Variants in LRFN5 observed in about 807,000 individuals in gnomAD.
LRFN5 encodes the protein leucine rich repeat and fibronectin type III domain containing 5.
A neutral mutation model predicts 45.6 loss-of-function variants in LRFN5; 24 were observed. The observed-to-expected ratio is 0.53, with a 90% confidence interval of 0.38 to 0.74. The LOEUF is 0.74. LRFN5 is among the 30% of genes least tolerant of loss of function. LRFN5 has a pLI of 0.00. For missense variants in LRFN5, 776 were observed against 861.5 expected, an observed-to-expected ratio of 0.90 and a Z score of 1.24; for synonymous variants, 340 against 313.8, an observed-to-expected ratio of 1.08 and a Z score of -0.88.
intron 2 of LRFN5, among the ~76,000 whole-genome samples, chr14:41,773,402 GT>G (rs1385232241): frequency 6.6e-6 from 1 of 152,120 alleles, no homozygotes; most frequent in East Asian, 1.9e-4. Flanking sequence ...ATATTTTTAT[GT>G]TTTTTTCTTT....
intron 2 of LRFN5, among the ~76,000 whole-genome samples, chr14:41,826,452 T>C (rs1270235339): frequency 6.6e-6 from 1 of 152,190 alleles, no homozygotes; most frequent in Non-Finnish European, 1.5e-5. Context: ...TCTGTCTTCA[T>C]TCTTATCAAA....
intron 2 of LRFN5, among the ~76,000 whole-genome samples, chr14:41,867,369 G>A (rs1193244739): frequency 6.6e-6 from 1 of 151,242 alleles, no homozygotes; most frequent in African/African-American, 2.4e-5. Context: ...TGTGTGTGGA[G>A]GGTTATGTGT....
At chr14:41,781,576 GAAAGAAAGAAAGAAAGA>G (rs1417739075) in intron 2 of LRFN5, among the ~76,000 whole-genome samples, 8 of 91,014 alleles carry the variant, frequency 8.8e-5, no homozygotes, top group African/African-American at 4.7e-4. Flanking sequence ...AAGAAAGAAA[GAAAGAAAGAAAGAAAGA>G]AAGAAAGAAA....
intron 1 of LRFN5, among the ~76,000 whole-genome samples, chr14:41,748,963 G>A (rs541985776): frequency 6.6e-6 from 1 of 151,778 alleles, no homozygotes; most frequent in African/African-American, 2.4e-5. Flanking sequence ...CTATAGCATG[G>A]CACCAGCATC....
At chr14:41,662,119 C>G (rs964621181) in intron 1 of LRFN5, among the ~76,000 whole-genome samples, 1 of 151,962 alleles carries the variant, frequency 6.6e-6, no homozygotes, top group Non-Finnish European at 1.5e-5. Flanking sequence ...ACAGGGCCAG[C>G]TTTATTCAGG....
chr14:41,755,282 C>T (rs537882931), intron 1 of LRFN5, among the ~76,000 whole-genome samples: 8 of 152,162 alleles, frequency 5.3e-5, no homozygotes, highest in South Asian at 4.2e-4. Context: ...CTATTAGGTC[C>T]GCTTGGTGCA....
At chr14:41,716,609 C>T (rs147435552) in intron 1 of LRFN5, among the ~76,000 whole-genome samples, 1 of 152,286 alleles carries the variant, frequency 6.6e-6, no homozygotes, top group East Asian at 1.9e-4. Context: ...TCTGAGACCA[C>T]CTCAGCCTGG....
chr14:41,884,499 C>T (rs1313564617), intron 2 of LRFN5, among the ~76,000 whole-genome samples: 1 of 152,030 alleles, frequency 6.6e-6, no homozygotes, highest in Admixed American at 6.6e-5. Flanking sequence ...GAAGAAGAGA[C>T]CCAGAGCCAG....
At chr14:41,679,342 A>G (rs1311647204) in intron 1 of LRFN5, among the ~76,000 whole-genome samples, 1 of 152,022 alleles carries the variant, frequency 6.6e-6, no homozygotes, top group Non-Finnish European at 1.5e-5. Context: ...GCTCTGTGAG[A>G]GACTCCTTCA....
chr14:41,631,462 C>A (rs1362767968), intron 1 of LRFN5, among the ~76,000 whole-genome samples: 1 of 151,858 alleles, frequency 6.6e-6, no homozygotes, highest in African/African-American at 2.4e-5. Context: ...AGACAAAAAT[C>A]CCTATTATCC....
At position 41,838,363 on chromosome 14, in the gene LRFN5, G is replaced by A. The variant is rs374759124; in HGVS notation, c.-20-48243G>A. Among the ~76,000 whole-genome samples, 9 of 152,238 alleles carry A rather than the reference G, an allele frequency of 5.9e-5. No individual in the cohort carries two copies. In the South Asian group the frequency reaches 1.0e-3, roughly 18 times the overall value. On this transcript the variant is annotated intron_variant, in intron 2 of 5. Transcript: ENST00000298119. Reference sequence around the variant, plus strand: ...GGAGATGCTAATGAAGTAGGACTCCGTGGACTTGGATAAGAGCTGCAATCC... The same window carrying A: ...GGAGATGCTAATGAAGTAGGACTCCATGGACTTGGATAAGAGCTGCAATCC...
chr14:41,719,355 T>C (rs908519902), intron 1 of LRFN5, among the ~76,000 whole-genome samples: 4 of 152,160 alleles, frequency 2.6e-5, no homozygotes, highest in African/African-American at 9.7e-5. Context: ...AGATATGTGA[T>C]ATATTTTAAA....
chr14:41,654,423 G>A (rs1294030859), intron 1 of LRFN5, among the ~76,000 whole-genome samples: 2 of 151,898 alleles, frequency 1.3e-5, no homozygotes, highest in Non-Finnish European at 2.9e-5. Flanking sequence ...ATATTTGTAT[G>A]TACATAGTTT....
intron 1 of LRFN5, chr14:41,699,387 G>A (rs1882746915): frequency 6.6e-6 from 1 of 152,026 alleles, no homozygotes; most frequent in African/African-American, 2.4e-5. Context: ...GCCTTTTCAG[G>A]ATAAGACACA....
intron 2 of LRFN5, among the ~76,000 whole-genome samples, chr14:41,855,508 A>C (rs1472306921): frequency 6.6e-6 from 1 of 152,112 alleles, no homozygotes; most frequent in African/African-American, 2.4e-5. Context: ...ACACTGGAGG[A>C]CACTGCTGTT....
chr14:41,671,289 A>T (rs1881198186), intron 1 of LRFN5, among the ~76,000 whole-genome samples: 1 of 152,162 alleles, frequency 6.6e-6, no homozygotes, highest in South Asian at 2.1e-4. Context: ...TATAATGTCA[A>T]TTGCAAACTA....
intron 2 of LRFN5, among the ~76,000 whole-genome samples, chr14:41,779,987 C>T (rs1886425064): frequency 1.3e-5 from 2 of 151,618 alleles, no homozygotes; most frequent in South Asian, 2.1e-4. Context: ...TCCTGCTTTC[C>T]TTAGGTTTAT....
intron 1 of LRFN5, among the ~76,000 whole-genome samples, chr14:41,758,560 A>G (rs967275825): frequency 6.6e-6 from 1 of 152,214 alleles, no homozygotes; most frequent in African/African-American, 2.4e-5. Flanking sequence ...CAGATTTAAC[A>G]AGTTTAATTT....
chr14:41,626,971 T>C (rs972662439), intron 1 of LRFN5, among the ~76,000 whole-genome samples: 1 of 152,148 alleles, frequency 6.6e-6, no homozygotes, highest in African/African-American at 2.4e-5. Flanking sequence ...AACAGAAATA[T>C]ATTTGCATTG....
Sources: allele counts gnomAD v4.1 joint callset (sites outside exome capture counted in the v4.1 genomes callset), GRCh38; gene constraint gnomAD v4.1.1; transcripts MANE v1.5; gene names NCBI Gene and HGNC (gene_info 2026-07-23, HGNC 2026-07-21).